Variants in ESRRG observed in about 807,000 individuals in gnomAD.
ESRRG encodes estrogen-related receptor gamma.
In ESRRG, 13 loss-of-function variants were observed where a neutral mutation model predicts 44.0. The observed-to-expected ratio is 0.30, with a 90% CI of 0.19 to 0.47. The LOEUF (loss-of-function observed/expected upper bound fraction) is 0.47, where lower values mean the gene tolerates loss of function less well. Among genes scored for constraint, ESRRG ranks in the 20% least tolerant of loss-of-function variants. The probability of loss-of-function intolerance (pLI) is 1.00; values close to 1 mark genes in which losing one functional copy is unlikely to be tolerated. For missense variants in ESRRG, 395 were observed against 580.6 expected (o/e 0.68, Z 3.29); for synonymous variants, 215 against 214.6 (o/e 1.00, Z -0.02).
At chr1:216,800,006 G>A (rs1474618255) in intron 2 of ESRRG, among the ~76,000 whole-genome samples, 2 of 152,154 alleles carry the variant, frequency 1.3e-5, no homozygotes, top group Non-Finnish European at 1.5e-5. Context: ...GTGAGGGGGA[G>A]AGGAATCTCA....
intron 1 of ESRRG, among the ~76,000 whole-genome samples, chr1:216,984,466 T>C (rs564354923): frequency 4.6e-5 from 7 of 152,364 alleles, no homozygotes; most frequent in Middle Eastern, 3.4e-3. Flanking sequence ...CTTCTTATAA[T>C]ATTTTAGCAG....
At position 216,559,221 on chromosome 1, in the gene ESRRG, T is replaced by C. The variant is rs147472650; in HGVS notation, c.862+4998A>G. On this transcript the variant is annotated intron_variant, in intron 5 of 6. Transcript: ENST00000408911. ...ACAGTCTTATTAAGTGCCAAGGTTTTGGGTCTTATATTTAACTTTCTTCCA... is the reference window on the plus strand; with the variant it reads ...ACAGTCTTATTAAGTGCCAAGGTTTCGGGTCTTATATTTAACTTTCTTCCA... Among the ~76,000 whole-genome samples the C allele has an allele frequency of 2.8e-3, 425 of 152,318 alleles. 3 individuals are homozygous for C. Among genetic ancestry groups the C allele is most frequent in the African/African-American group, 9.9e-3 (410 of 41,574 alleles).
intron 1 of ESRRG, among the ~76,000 whole-genome samples, chr1:216,979,259 G>A (rs1415274691): frequency 6.6e-6 from 1 of 152,022 alleles, no homozygotes; most frequent in African/African-American, 2.4e-5. Flanking sequence ...GAGTTAATGT[G>A]TGATTCAGGA....
chr1:216,687,025 C>CTGTGTG (rs1223144325), intron 1 of ESRRG, among the ~76,000 whole-genome samples: 2 of 34,566 alleles, frequency 5.8e-5, no homozygotes, highest in Non-Finnish European at 1.1e-4. Context: ...ATGGCAGGGC[C>CTGTGTG]CGTGTGTGTG....
intron 2 of ESRRG, among the ~76,000 whole-genome samples, chr1:216,870,687 G>A (rs531481241): frequency 6.2e-4 from 94 of 152,026 alleles, no homozygotes; most frequent in African/African-American, 2.2e-3. Context: ...TTCTTTAACA[G>A]GTATTGGTTT....
intron 3 of ESRRG, among the ~76,000 whole-genome samples, chr1:216,603,605 C>T (rs1488160198): frequency 6.6e-6 from 1 of 152,176 alleles, no homozygotes; most frequent in African/African-American, 2.4e-5. Flanking sequence ...TCAAGCCATT[C>T]TATAAAACTT....
intron 1 of ESRRG, among the ~76,000 whole-genome samples, chr1:217,082,744 T>A (rs965046933): frequency 6.6e-6 from 1 of 151,934 alleles, no homozygotes; most frequent in Non-Finnish European, 1.5e-5. Flanking sequence ...GCCAACTACT[T>A]CAGAGAATAG....
intron 2 of ESRRG, among the ~76,000 whole-genome samples, chr1:216,822,228 T>C (rs942401588): frequency 1.3e-5 from 2 of 152,326 alleles, no homozygotes; most frequent in Middle Eastern, 3.4e-3. Context: ...TCTGTCCAAG[T>C]AGCTGTTCTA....
At chr1:217,075,595 C>CCCCG (rs1553275063) in intron 1 of ESRRG, among the ~76,000 whole-genome samples, 2 of 146,954 alleles carry the variant, frequency 1.4e-5, no homozygotes, top group Admixed American at 1.3e-4. Context: ...CCTTTCCCCC[C>CCCCG]CCCAACATTA....
intron 5 of ESRRG, among the ~76,000 whole-genome samples, chr1:216,555,537 A>T (rs2057359111): frequency 4.4e-5 from 2 of 45,470 alleles, no homozygotes; most frequent in African/African-American, 3.8e-5. Flanking sequence ...GCCCTCTTTA[A>T]AAAAAAAAAA....
At chr1:217,007,776 T>C (rs2077962415) in intron 1 of ESRRG, among the ~76,000 whole-genome samples, 1 of 152,130 alleles carries the variant, frequency 6.6e-6, no homozygotes, top group Admixed American at 6.6e-5. Flanking sequence ...ATTCACTATA[T>C]ATGGACTAAG....
At chr1:216,530,304 G>GTCTATCTATCTATCTA (rs532896655) in intron 5 of ESRRG, among the ~76,000 whole-genome samples, 4 of 116,384 alleles carry the variant, frequency 3.4e-5, no homozygotes, top group African/African-American at 1.2e-4. Flanking sequence ...ATATATTAAG[G>GTCTATCTATCTATCTA]TCTATCTATC....
intron 1 of ESRRG, among the ~76,000 whole-genome samples, chr1:217,049,583 A>C (rs997813078): frequency 7.9e-5 from 12 of 152,200 alleles, no homozygotes; most frequent in Non-Finnish European, 1.6e-4. Context: ...AAGAAAAAAG[A>C]ATAACTTGTG....
chr1:216,617,575 G>A (rs1401953552), intron 3 of ESRRG, among the ~76,000 whole-genome samples: 2 of 151,740 alleles, frequency 1.3e-5, no homozygotes, highest in African/African-American at 4.8e-5. Context: ...AGAGTTCAAA[G>A]GAATCTAAAT....
chr1:217,073,042 G>A (rs1214919412), intron 1 of ESRRG, among the ~76,000 whole-genome samples: 2 of 151,828 alleles, frequency 1.3e-5, no homozygotes, highest in African/African-American at 4.8e-5. Flanking sequence ...CTTGTTGACT[G>A]GAGCATCAGA....
At chr1:216,526,420 G>A (rs2047669748) in intron 5 of ESRRG, among the ~76,000 whole-genome samples, 1 of 152,050 alleles carries the variant, frequency 6.6e-6, no homozygotes, top group African/African-American at 2.4e-5. Flanking sequence ...CAGGACACAG[G>A]GAGAATACTA....
intron 1 of ESRRG, among the ~76,000 whole-genome samples, chr1:217,020,051 C>T (rs1292085600): frequency 6.6e-6 from 1 of 152,128 alleles, no homozygotes; most frequent in Non-Finnish European, 1.5e-5. Context: ...GCCACAGGCT[C>T]AGTCAAAGCC....
At chr1:216,795,342 C>CTTTT (rs35142972) in intron 2 of ESRRG, among the ~76,000 whole-genome samples, 11 of 105,428 alleles carry the variant, frequency 1.0e-4, no homozygotes, top group African/African-American at 1.6e-4. Context: ...TTTTCTTTTT[C>CTTTT]TTTTTTTTTT....
intron 2 of ESRRG, among the ~76,000 whole-genome samples, chr1:216,882,350 C>G (rs1175095380): frequency 6.6e-6 from 1 of 152,126 alleles, no homozygotes; most frequent in Non-Finnish European, 1.5e-5. Flanking sequence ...GTGTAAATTC[C>G]TTGAGTGGAG....
Sources: gnomAD v4.1 joint callset for allele counts (sites outside exome capture counted in the v4.1 genomes callset) on GRCh38, gnomAD v4.1.1 for gene constraint, MANE v1.5 for transcripts, NCBI Gene and HGNC (gene_info 2026-07-23, HGNC 2026-07-21) for gene names.